Variants in SRSF12 observed in about 807,000 individuals in gnomAD.
The protein encoded by SRSF12 is serine and arginine rich splicing factor 12, also known as serine/arginine-rich splicing factor 12.
A neutral mutation model predicts 34.1 loss-of-function variants in SRSF12; 21 were observed. That is an observed-to-expected ratio of 0.62 (90% CI 0.44 to 0.89). The LOEUF (loss-of-function observed/expected upper bound fraction) is 0.89, where lower values mean the gene tolerates loss of function less well. Among genes scored for constraint, SRSF12 ranks in the 40% least tolerant of loss-of-function variants. SRSF12 has a pLI of 0.00. For synonymous variants in SRSF12, 111 were observed against 110.8 expected, an observed-to-expected ratio of 1.00 and a Z score of -0.01; for missense variants, 278 against 327.8, an observed-to-expected ratio of 0.85 and a Z score of 1.17.
intron 1 of SRSF12, among the ~76,000 whole-genome samples, chr6:89,111,855 G>A: frequency 6.6e-6 from 1 of 152,032 alleles, no homozygotes; most frequent in East Asian, 1.9e-4. Flanking sequence ...TGGAGACAGG[G>A]TCTCAGGTCT....
Position 89,097,385 on chromosome 6 carries a change from T to C in SRSF12, c.*1193A>G, listed in dbSNP as rs1168616533. ...AACTACAACACATTTTCAAAGAAAT[T>C]ATTAGTTATAACAACTACAAAAGCA... On this transcript the variant is annotated 3_prime_UTR_variant, in exon 5 of 5. Transcript: ENST00000452027. The C allele has an allele frequency of 1.3e-5, 2 of 152,296 alleles. No individual in the cohort carries two copies. The highest frequency in any genetic ancestry group is 6.5e-5 in the Admixed American group (1 of 15,282). The allele number at this position is 152,296 out of a possible 1,614,324, so 9.4% of individuals were successfully genotyped here. A position where few individuals can be genotyped will look rare whatever the true frequency, so the allele number is the denominator to read the frequency against.
At chr6:89,109,746 C>T (rs1768957263) in intron 1 of SRSF12, among the ~76,000 whole-genome samples, 1 of 152,102 alleles carries the variant, frequency 6.6e-6, no homozygotes, top group Non-Finnish European at 1.5e-5. Context: ...TGATCTACTT[C>T]AATATTCAAA....
At chr6:89,106,401 C>T (rs1268959143) in intron 2 of SRSF12, among the ~76,000 whole-genome samples, 1 of 152,148 alleles carries the variant, frequency 6.6e-6, no homozygotes, top group African/African-American at 2.4e-5. Flanking sequence ...GCATGAGCCA[C>T]CGCACCCAGC....
chr6:89,099,472 ATATATATATGTGTGTG>A (rs1768428701), intron 4 of SRSF12, among the ~76,000 whole-genome samples: 1 of 145,200 alleles, frequency 6.9e-6, no homozygotes, highest in African/African-American at 2.6e-5. Context: ...ATGTGTGTGT[ATATATATATGTGTGTG>A]TATATATATA....
intron 2 of SRSF12, 82 bp downstream of exon 2, chr6:89,107,072 C>T (rs771530417): frequency 2.4e-6 from 3 of 1,258,636 alleles, no homozygotes; most frequent in Non-Finnish European, 3.5e-6. Context: ...ATATTAATCT[C>T]ATAACATATG....
chr6:89,106,305 G>A (rs1768784189), intron 2 of SRSF12, among the ~76,000 whole-genome samples: 1 of 151,992 alleles, frequency 6.6e-6, no homozygotes, highest in Non-Finnish European at 1.5e-5. Context: ...TAGACACGGG[G>A]TTTCACCATG....
intron 4 of SRSF12, 117 bp downstream of exon 4, chr6:89,105,002 G>T: frequency 9.9e-7 from 1 of 1,008,282 alleles, no homozygotes; most frequent in Non-Finnish European, 1.4e-6. Context: ...TCTACAGTGG[G>T]CCATGATCGC....
At chr6:89,106,545 T>A (rs964032077) in intron 2 of SRSF12, 4 of 157,964 alleles carry the variant, frequency 2.5e-5, no homozygotes, top group Admixed American at 2.4e-4. Context: ...TTATATAATA[T>A]TAAACCTAGC....
intron 4 of SRSF12, among the ~76,000 whole-genome samples, chr6:89,099,200 C>T (rs1332437076): frequency 6.6e-6 from 1 of 151,684 alleles, no homozygotes; most frequent in Middle Eastern, 3.2e-3. Context: ...CTGAAAAATA[C>T]ACTGCATATT....
intron 4 of SRSF12, among the ~76,000 whole-genome samples, chr6:89,100,294 A>G (rs1768479105): frequency 6.6e-6 from 1 of 152,228 alleles, no homozygotes; most frequent in African/African-American, 2.4e-5. Flanking sequence ...CCAAAAGGTC[A>G]ATGAGGAACA....
At chr6:89,113,649 A>G (rs1019080478) in intron 1 of SRSF12, among the ~76,000 whole-genome samples, 1 of 151,966 alleles carries the variant, frequency 6.6e-6, no homozygotes, top group Non-Finnish European at 1.5e-5. Flanking sequence ...GTTAAAGCCT[A>G]TTTATTTATT....
At chr6:89,106,184 G>C (rs907898777) in intron 2 of SRSF12, among the ~76,000 whole-genome samples, 1 of 152,056 alleles carries the variant, frequency 6.6e-6, no homozygotes, top group Admixed American at 6.6e-5. Flanking sequence ...GCAATGGCGC[G>C]ATCTCAGCTC....
intron 1 of SRSF12, among the ~76,000 whole-genome samples, chr6:89,108,642 G>A (rs966817932): frequency 1.3e-5 from 2 of 152,150 alleles, no homozygotes; most frequent in African/African-American, 4.8e-5. Context: ...AAAAGATGGT[G>A]TCAGTGACAA....
chr6:89,099,439 T>TATATATGTGTTTATATATAC (rs1562191966), intron 4 of SRSF12, among the ~76,000 whole-genome samples: 1 of 127,468 alleles, frequency 7.8e-6, no homozygotes, highest in African/African-American at 3.2e-5. Context: ...TGTATATATA[T>TATATATGTGTTTATATATAC]ACACATATAT....
At chr6:89,115,731 G>GA (rs1383207960) in intron 1 of SRSF12, among the ~76,000 whole-genome samples, 3 of 151,086 alleles carry the variant, frequency 2.0e-5, no homozygotes, top group African/African-American at 7.3e-5. Context: ...CCGCCTCCCG[G>GA]GTTCACACCA....
At position 89,096,511 on chromosome 6, in the gene SRSF12, G is replaced by A. The variant is rs6938490; in HGVS notation, c.*2067C>T. 0.26 allele frequency: 39,491 copies of A among 152,062 alleles called. 5,483 individuals carry two copies. The highest frequency in any genetic ancestry group is 0.32 in the South Asian group (1,560 of 4,820). The allele number at this position is 152,062 out of a possible 1,614,324, so 9.4% of individuals were successfully genotyped here. On this transcript the variant is annotated 3_prime_UTR_variant, in exon 5 of 5. Coordinates refer to ENST00000452027, the MANE Select transcript of SRSF12 (RefSeq NM_080743.5). Reference sequence around the variant, plus strand: ...TTCCAGCTTTTTCATCAAACCAAATGGTATCCTCCTAAGCAGCCCAGGGAT... The same window carrying A: ...TTCCAGCTTTTTCATCAAACCAAATAGTATCCTCCTAAGCAGCCCAGGGAT...
intron 4 of SRSF12, 145 bp from the exon 5 acceptor site, chr6:89,099,092 T>C (rs1768390639): frequency 9.3e-6 from 10 of 1,073,964 alleles, no homozygotes; most frequent in Non-Finnish European, 1.0e-5. Context: ...TTATTATGCA[T>C]GCTTTTGGTT....
chr6:89,117,612 T>C (rs2297310), intron 1 of SRSF12, among the ~76,000 whole-genome samples: 27,472 of 151,950 alleles, frequency 0.18, 3,324 homozygotes, highest in East Asian at 0.66. Context: ...GCGCCGGGGC[T>C]GAAAGCTGGC....
In SRSF12 at chr6:89,096,577, A is replaced by G. The variant is rs903199893; in HGVS notation, c.*2001T>C. 6.6e-6 allele frequency: 1 copy of G among 152,228 alleles called. No individual in the cohort carries two copies. Among genetic ancestry groups the G allele is most frequent in the African/African-American group, 2.4e-5 (1 of 41,470 alleles). 9.4% of individuals were successfully genotyped at this position (152,228 alleles called of 1,614,324 possible). On this transcript the variant is annotated 3_prime_UTR_variant, in exon 5 of 5. Transcript: ENST00000452027. ...AGTCAGAGGTAAATCAAAGGATTAA[A>G]TATGTTCAGGAATACAGAGATTTGT... is the stretch of plus-strand genomic sequence containing the variant.
Sources: gnomAD v4.1 joint callset for allele counts (sites outside exome capture counted in the v4.1 genomes callset) on GRCh38, gnomAD v4.1.1 for gene constraint, MANE v1.5 for transcripts, NCBI Gene and HGNC (gene_info 2026-07-23, HGNC 2026-07-21) for gene names.